The following TPCN1 variants were observed in gnomAD, a reference collection of about 807,000 sequenced individuals.
TPCN1 encodes the protein two pore channel protein 1.
TPCN1 carries 52 observed loss-of-function variants against 108.8 expected under a neutral mutation model. The observed-to-expected ratio is 0.48, with a 90% CI of 0.38 to 0.60. The LOEUF is 0.60. TPCN1 is among the 20% of genes least tolerant of loss of function. TPCN1 has a pLI of 0.00. For synonymous variants in TPCN1, 446 were observed against 433.7 expected, an observed-to-expected ratio of 1.03 and a Z score of -0.35; for missense variants, 806 against 1,072.8, an observed-to-expected ratio of 0.75 and a Z score of 3.47.
At chr12:113,234,624 G>A (rs1953816507) in intron 2 of TPCN1, among the ~76,000 whole-genome samples, 1 of 152,134 alleles carries the variant, frequency 6.6e-6, no homozygotes, top group African/African-American at 2.4e-5. Context: ...TGTAAAAAGT[G>A]CAGTTCTTTC....
At chr12:113,270,171 G>A (rs1447930312) in intron 7 of TPCN1, among the ~76,000 whole-genome samples, 1 of 151,930 alleles carries the variant, frequency 6.6e-6, no homozygotes, top group African/African-American at 2.4e-5. Flanking sequence ...TTTCCAGCCT[G>A]GGCAACAACA....
At chr12:113,250,675 C>G (rs566376878) in intron 2 of TPCN1, among the ~76,000 whole-genome samples, 10 of 152,360 alleles carry the variant, frequency 6.6e-5, no homozygotes, top group Non-Finnish European at 1.2e-4. Context: ...TATTTCCCGG[C>G]CAGGCGCAGT....
intron 2 of TPCN1, among the ~76,000 whole-genome samples, chr12:113,242,209 C>T (rs1426055201): frequency 6.6e-6 from 1 of 152,222 alleles, no homozygotes; most frequent in East Asian, 1.9e-4. Flanking sequence ...GCGGTTTTGC[C>T]CATGCAGAAT....
chr12:113,288,502 G>T lies in TPCN1; in HGVS notation c.1707-256G>T. The T allele has an allele frequency of 6.7e-7, 1 of 1,502,376 alleles. No homozygotes were observed. Among genetic ancestry groups the T allele is most frequent in the Non-Finnish European group, 8.9e-7 (1 of 1,128,666 alleles). The allele number at this position is 1,502,376 out of a possible 1,614,324, so 93.1% of individuals were successfully genotyped here. ...CTGTGTCTACATTCACAGGTAAGGG[G>T]TCACCTGTGAGTCTACCTTCACAGG... is the stretch of plus-strand genomic sequence containing the variant. On this transcript the variant is annotated intron_variant, in intron 20 of 27. Coordinates refer to ENST00000335509, the MANE Select transcript of TPCN1 (RefSeq NM_017901.6). The surrounding 1 kb of genome is among the most constrained non-coding windows in gnomAD (Gnocchi z 4.8).
Position 113,266,117 on chromosome 12 carries a change from G to A in TPCN1, c.238-63G>A. ...GCCTTCCTTTCCTCCCCTGCCCGCG[G>A]CTCCTCTTTGGCGTTGGATGGGTCT... On this transcript the variant is annotated intron_variant, in intron 3 of 27. Transcript: ENST00000335509. This position sits in a 1 kb window ranked among gnomAD's most constrained non-coding sequence, Gnocchi z 4.2. The A allele has an allele frequency of 1.3e-6, 2 of 1,576,324 alleles. No homozygotes were observed. Among genetic ancestry groups the A allele is most frequent in the Admixed American group, 1.7e-5 (1 of 58,098 alleles).
In TPCN1 at chr12:113,286,741, TC is replaced by T. The variant is rs553366173; in HGVS notation, c.1527-243del. On this transcript the variant is annotated intron_variant, in intron 18 of 27. Transcript: ENST00000335509. ...CCAGCATGGGGCCCTTTGTAGGGGT[TC>T]CCGGGCATTTCTGGCCTTGGGGTCA... Among the ~76,000 whole-genome samples, 579 of 152,230 alleles carry T rather than the reference TC, an allele frequency of 3.8e-3. 5 individuals are homozygous for T. Among genetic ancestry groups the T allele is most frequent in the African/African-American group, 0.013 (533 of 41,556 alleles).
At chr12:113,286,190 C>T (rs909527631) in intron 18 of TPCN1, among the ~76,000 whole-genome samples, 4 of 152,336 alleles carry the variant, frequency 2.6e-5, no homozygotes, top group African/African-American at 7.2e-5. Flanking sequence ...CTTCTGGAAA[C>T]GGCCTCTTGA....
chr12:113,272,037 C>G lies in TPCN1; in HGVS notation c.749-621C>G, dbSNP rs1049942752. ...AACCCCTCCCGGCCCTCGTGACTGC[C>G]TTGTCCTGAGTCATGGCTCTCACTT... On this transcript the variant is annotated intron_variant, in intron 7 of 27. Coordinates refer to ENST00000335509, the MANE Select transcript of TPCN1 (RefSeq NM_017901.6). This position sits in a 1 kb window ranked among gnomAD's most constrained non-coding sequence, Gnocchi z 4.1. Among the ~76,000 whole-genome samples the G allele has an allele frequency of 1.3e-5, 2 of 152,248 alleles. No individual in the cohort carries two copies. Among genetic ancestry groups the G allele is most frequent in the African/African-American group, 4.8e-5 (2 of 41,464 alleles).
At chr12:113,270,242 T>A (rs114229222) in intron 7 of TPCN1, among the ~76,000 whole-genome samples, 2,362 of 151,868 alleles carry the variant, frequency 0.016, 62 homozygotes, top group African/African-American at 0.054. Context: ...ATTTAGACAG[T>A]GCCTTAGTCC....
In TPCN1 at chr12:113,273,699, G is replaced by A. The variant is rs770269647; in HGVS notation, c.942+31G>A. 1.7e-5 allele frequency: 26 copies of A among 1,565,236 alleles called. No homozygotes were observed. The highest frequency in any genetic ancestry group is 2.3e-5 in the Non-Finnish European group (26 of 1,136,316). On this transcript the variant is annotated intron_variant, in intron 10 of 27. Transcript: ENST00000335509. This position sits in a 1 kb window ranked among gnomAD's most constrained non-coding sequence, Gnocchi z 4.0. ...TGACTATGCCTCAGGCTACGCTGAA[G>A]CAGCCTGCCCCTACCCATGCAGCAC...
Position 113,269,930 on chromosome 12 carries a change from C to T in TPCN1, c.748+85C>T, listed in dbSNP as rs999897893. On this transcript the variant is annotated intron_variant, in intron 7 of 27. Transcript: ENST00000335509. This position sits in a 1 kb window ranked among gnomAD's most constrained non-coding sequence, Gnocchi z 5.0. ...AATTATTTTGGGCCTGGCTCAGTGG[C>T]TCACGCCTGTAATCCTAGCATTTTG... 48 of 1,440,180 alleles carry T rather than the reference C, an allele frequency of 3.3e-5. No individual in the cohort carries two copies. Among genetic ancestry groups the T allele is most frequent in the Non-Finnish European group, 4.4e-5 (46 of 1,033,846 alleles). 89.2% of individuals were successfully genotyped at this position (1,440,180 alleles called of 1,614,324 possible).
rs775963761 is a variant in TPCN1, at chr12:113,260,500, T to A, written c.237+8T>A. On this transcript the variant is annotated splice_region_variant and intron_variant, in intron 3 of 27. Coordinates refer to ENST00000335509, the MANE Select transcript of TPCN1 (RefSeq NM_017901.6). The stretch of plus-strand genomic sequence containing the variant: ...GCAGCAATCTACCTCCAGGTGAGTA[T>A]CTCCAGTCAGGCCCTGGCAGTTGTC... The A allele has an allele frequency of 6.4e-7, 1 of 1,569,600 alleles. No homozygotes were observed. Among genetic ancestry groups the A allele is most frequent in the East Asian group, 2.5e-5 (1 of 40,054 alleles).
chr12:113,251,592 C>T (rs374993887), intron 2 of TPCN1, among the ~76,000 whole-genome samples: 9 of 152,250 alleles, frequency 5.9e-5, no homozygotes, highest in African/African-American at 1.9e-4. Flanking sequence ...CGTGGGGGGG[C>T]TCCAGCCAGC....
chr12:113,250,691 A>C (rs896250161), intron 2 of TPCN1, among the ~76,000 whole-genome samples: 1 of 152,256 alleles, frequency 6.6e-6, no homozygotes, highest in South Asian at 2.1e-4. Flanking sequence ...GCAGTGGCTC[A>C]CGCCTGTAAT....
At chr12:113,225,509 A>T (rs1953437373) in intron 1 of TPCN1, among the ~76,000 whole-genome samples, 1 of 152,122 alleles carries the variant, frequency 6.6e-6, no homozygotes, top group African/African-American at 2.4e-5. Context: ...TCCGTATTTT[A>T]ATGCTATTAT....
chr12:113,295,256 G>A (rs1269745939), intron 27 of TPCN1, among the ~76,000 whole-genome samples: 3 of 151,988 alleles, frequency 2.0e-5, no homozygotes, highest in Non-Finnish European at 4.4e-5. Flanking sequence ...AGGCCATCTC[G>A]AAGCTCTAAA....
intron 3 of TPCN1, among the ~76,000 whole-genome samples, chr12:113,262,027 C>T (rs1955059315): frequency 6.6e-6 from 1 of 152,154 alleles, no homozygotes; most frequent in African/African-American, 2.4e-5. Context: ...ACATTTTAAC[C>T]TTAATCTTGC....
At chr12:113,281,011 T>C (rs934171548) in intron 15 of TPCN1, among the ~76,000 whole-genome samples, 69 of 152,214 alleles carry the variant, frequency 4.5e-4, no homozygotes, top group African/African-American at 1.4e-3. Flanking sequence ...AGAATCTAGA[T>C]GTGTAAGACT....
rs750995475 is a variant in TPCN1, at chr12:113,266,114, G to A, written c.238-66G>A. ...GGGGCCTTCCTTTCCTCCCCTGCCC[G>A]CGGCTCCTCTTTGGCGTTGGATGGG... On this transcript the variant is annotated intron_variant, in intron 3 of 27. Transcript: ENST00000335509. The surrounding 1 kb of genome is among the most constrained non-coding windows in gnomAD (Gnocchi z 4.2). 63 of 1,565,608 alleles carry A rather than the reference G, an allele frequency of 4.0e-5. No individual in the cohort carries two copies. Among genetic ancestry groups the A allele is most frequent in the African/African-American group, 1.2e-4 (9 of 73,972 alleles).
Sources: allele counts gnomAD v4.1 joint callset (sites outside exome capture counted in the v4.1 genomes callset), GRCh38; gene constraint gnomAD v4.1.1; non-coding constraint Gnocchi (gnomAD v3.1); transcripts MANE v1.5; gene names NCBI Gene and HGNC (gene_info 2026-07-23, HGNC 2026-07-21).